Variants in SYT1 observed in about 807,000 individuals in gnomAD.
SYT1 encodes the protein synaptotagmin 1.
A neutral mutation model predicts 44.8 loss-of-function variants in SYT1; 8 were observed. The ratio of observed to expected loss-of-function variants is 0.18; its 90% CI spans 0.10 to 0.32. SYT1 has a LOEUF of 0.32. Ranked by LOEUF, SYT1 falls within the 10% of genes least tolerant of loss-of-function variation. The pLI is 1.00. For missense variants in SYT1, 286 were observed against 509.3 expected, an observed-to-expected ratio of 0.56 and a Z score of 4.22; for synonymous variants, 154 against 188.8, an observed-to-expected ratio of 0.82 and a Z score of 1.51.
At position 79,117,700 on chromosome 12, in the gene SYT1, TATATATATATATATAA is replaced by T. The variant is rs1270424692; in HGVS notation, c.-18+70340_-18+70355del. On this transcript the variant is annotated intron_variant, in intron 3 of 10. Coordinates refer to ENST00000261205, the MANE Select transcript of SYT1 (RefSeq NM_005639.3). ...ATATATATATATATATATATATATA[TATATATATATATATAA>T]AATAAATAGGTTGCATACAGAAGAT... 2.2e-3 allele frequency among the ~76,000 whole-genome samples: 214 copies of T among 99,510 alleles called. 4 individuals are homozygous for T. The highest frequency in any genetic ancestry group is 7.8e-3 in the African/African-American group (206 of 26,378). The allele number at this position is 99,510 out of a possible 152,430, so 65.3% of individuals were successfully genotyped here.
intron 8 of SYT1, among the ~76,000 whole-genome samples, chr12:79,310,769 T>C (rs1205998600): frequency 6.6e-6 from 1 of 152,220 alleles, no homozygotes; most frequent in East Asian, 1.9e-4. Flanking sequence ...TTTATTCTCT[T>C]TGAAGCAATT....
intron 3 of SYT1, among the ~76,000 whole-genome samples, chr12:79,139,107 C>G (rs147905461): frequency 6.6e-6 from 1 of 152,316 alleles, no homozygotes; most frequent in Non-Finnish European, 1.5e-5. Context: ...GGCCCCCACA[C>G]AGAAACAACA....
intron 4 of SYT1, among the ~76,000 whole-genome samples, chr12:79,219,183 G>T (rs1179025785): frequency 6.6e-6 from 1 of 151,886 alleles, no homozygotes; most frequent in African/African-American, 2.4e-5. Flanking sequence ...TAGTCAGGTC[G>T]TTTGCCCTTC....
chr12:79,122,311 G>C (rs1868283254), intron 3 of SYT1, among the ~76,000 whole-genome samples: 1 of 151,278 alleles, frequency 6.6e-6, no homozygotes, highest in Non-Finnish European at 1.5e-5. Context: ...TCAGGAGATC[G>C]AGACCATCCT....
chr12:79,103,978 G>C (rs763119548), intron 3 of SYT1, among the ~76,000 whole-genome samples: 1 of 152,034 alleles, frequency 6.6e-6, no homozygotes, highest in Non-Finnish European at 1.5e-5. Context: ...TAGAAAAATT[G>C]AATGCTCCCA....
rs1350928238 is a variant in SYT1, at chr12:79,112,869, A to T, written c.-18+65507A>T. 3.3e-5 allele frequency among the ~76,000 whole-genome samples: 5 copies of T among 152,246 alleles called. No individual in the cohort carries two copies. In the East Asian group the frequency reaches 7.7e-4, roughly 23 times the overall value. ...CTTCTATTTCTGATTTAAAAAGAAC[A>T]CAAGGCATATGGCAATTTTTCATAG... On this transcript the variant is annotated intron_variant, in intron 3 of 10. Coordinates refer to ENST00000261205, the MANE Select transcript of SYT1 (RefSeq NM_005639.3).
intron 9 of SYT1, among the ~76,000 whole-genome samples, chr12:79,394,795 G>A (rs1407884940): frequency 6.6e-6 from 1 of 152,062 alleles, no homozygotes; most frequent in African/African-American, 2.4e-5. Flanking sequence ...TTACTCAAAT[G>A]CTAAAACATC....
In SYT1 at chr12:79,292,058, A is replaced by C; in HGVS notation, c.402A>C (p.Lys134Asn). The change falls in exon 6 of 11, where the codon AAA becomes AAC. Residue 134 changes from lysine (K) to asparagine (N), a missense_variant. Lys to Asn is a moderately conservative substitution (Grantham distance 94). This residue lies in a region of SYT1 where 141 missense variants were observed against 165.7 expected (regional missense o/e 0.85). Transcript: ENST00000261205. Reference protein sequence around the residue: ...AETGLTDGEEKEEPKEEEKLG... With the variant: ...AETGLTDGEENEEPKEEEKLG... ...CTGGATTGACAGATGGAGAAGAAAA[A>C]GAAGAACCCAAAGAAGAGGAGAAAC... The C allele has an allele frequency of 6.2e-7, 1 of 1,614,118 alleles. No homozygotes were observed. The highest frequency in any genetic ancestry group is 1.3e-5 in the African/African-American group (1 of 75,054).
At chr12:79,224,714 G>T (rs1875386103) in intron 4 of SYT1, among the ~76,000 whole-genome samples, 1 of 137,552 alleles carries the variant, frequency 7.3e-6, no homozygotes. Context: ...CTGACGGGTG[G>T]TTTTTTTGTT....
At chr12:78,870,614 C>G (rs1873770994) in intron 1 of SYT1, among the ~76,000 whole-genome samples, 1 of 152,058 alleles carries the variant, frequency 6.6e-6, no homozygotes, top group Non-Finnish European at 1.5e-5. Flanking sequence ...CCTCTTCCAT[C>G]ATGCTCCCTG....
chr12:79,449,172 C>T lies in SYT1; in HGVS notation c.*48C>T. ...ATTTGCCCATATAGTGCTCTTTAGC[C>T]AGTATCTGTAAATACCTCAGTAATA... On this transcript the variant is annotated 3_prime_UTR_variant, in exon 11 of 11. Coordinates refer to ENST00000261205, the MANE Select transcript of SYT1 (RefSeq NM_005639.3). The T allele has an allele frequency of 6.5e-7, 1 of 1,546,168 alleles. No individual in the cohort carries two copies. Among genetic ancestry groups the T allele is most frequent in the Non-Finnish European group, 8.8e-7 (1 of 1,140,924 alleles).
intron 3 of SYT1, among the ~76,000 whole-genome samples, chr12:79,099,088 A>G (rs546330815): frequency 1.3e-5 from 2 of 152,276 alleles, no homozygotes; most frequent in African/African-American, 2.4e-5. Context: ...TATCCTTAGT[A>G]ACTCTGTTCA....
chr12:78,985,414 T>G (rs1592633906), intron 2 of SYT1, among the ~76,000 whole-genome samples: 2 of 151,940 alleles, frequency 1.3e-5, no homozygotes, highest in South Asian at 4.1e-4. Context: ...TAACTCCCCT[T>G]CAAGATGGCA....
At chr12:79,346,470 G>C (rs1159670251) in intron 8 of SYT1, among the ~76,000 whole-genome samples, 2 of 152,230 alleles carry the variant, frequency 1.3e-5, no homozygotes, top group East Asian at 3.9e-4. Flanking sequence ...AGTGATCAAG[G>C]CAATTGACTA....
At chr12:79,090,959 A>C (rs1395123471) in intron 3 of SYT1, among the ~76,000 whole-genome samples, 3 of 151,930 alleles carry the variant, frequency 2.0e-5, no homozygotes, top group Non-Finnish European at 4.4e-5. Context: ...CCTGTGAGTT[A>C]ATCTTTCCTA....
At chr12:79,182,947 G>A (rs951160876) in intron 3 of SYT1, among the ~76,000 whole-genome samples, 1 of 152,052 alleles carries the variant, frequency 6.6e-6, no homozygotes, top group Non-Finnish European at 1.5e-5. Context: ...ATTTGATGTA[G>A]GTCAAATTCT....
chr12:79,249,088 CTTTTTTTTTTTTTT>C (rs58983623), intron 4 of SYT1, among the ~76,000 whole-genome samples: 1 of 71,824 alleles, frequency 1.4e-5, no homozygotes, highest in East Asian at 4.0e-4. Context: ...TTACCTCTTT[CTTTTTTTTTTTTTT>C]TTTTTTTTTT....
At chr12:78,951,251 G>C (rs1444635853) in intron 1 of SYT1, among the ~76,000 whole-genome samples, 1 of 151,578 alleles carries the variant, frequency 6.6e-6, no homozygotes. Context: ...CTCCTAATAC[G>C]TCAGTCTATT....
chr12:79,037,671 T>C (rs1238348789), intron 2 of SYT1, among the ~76,000 whole-genome samples: 1 of 151,778 alleles, frequency 6.6e-6, no homozygotes, highest in Non-Finnish European at 1.5e-5. Flanking sequence ...TCTTTTGGCC[T>C]TCTACCTTCA....
Sources: gnomAD v4.1 joint callset for allele counts (sites outside exome capture counted in the v4.1 genomes callset) on GRCh38, gnomAD v4.1.1 for gene constraint, gnomAD v4.1.1 regional missense constraint, MANE v1.5 for transcripts, NCBI Gene and HGNC (gene_info 2026-07-23, HGNC 2026-07-21) for gene names.